The following CSMD1 variants were observed in gnomAD, a reference collection of about 807,000 sequenced individuals.
CSMD1 encodes CUB and Sushi multiple domains 1, also known as CUB and sushi domain-containing protein 1.
A neutral mutation model predicts 417.5 loss-of-function variants in CSMD1; 213 were observed. The ratio of observed to expected loss-of-function variants is 0.51; its 90% confidence interval spans 0.46 to 0.57. The LOEUF is 0.57. Ranked by LOEUF, CSMD1 falls within the 20% of genes least tolerant of loss-of-function variation. CSMD1 has a pLI of 0.00. For synonymous variants in CSMD1, 2,862 were observed against 1,736.8 expected (o/e 1.65, Z -16.11); for missense variants, 6,923 against 4,529.7 (o/e 1.53, Z -15.17).
rs765144961 is a variant in CSMD1, at chr8:2,974,630, G to GA, written c.8567-7dup. 2.6e-6 allele frequency: 4 copies of GA among 1,568,124 alleles called. No individual in the cohort carries two copies. The highest frequency in any genetic ancestry group is 1.9e-5 in the Admixed American group (1 of 52,608). ...TGGGTGTCCACACGATATAGCTTCAGAAAAAAGATAAAACAATTGAGTACA... is the reference window on the plus strand; with the variant it reads ...TGGGTGTCCACACGATATAGCTTCAGAAAAAAAGATAAAACAATTGAGTACA... On this transcript the variant is annotated splice_region_variant and splice_polypyrimidine_tract_variant and intron_variant, in intron 55 of 69. Transcript: ENST00000635120.
chr8:4,532,418 TA>T (rs1256322220), intron 2 of CSMD1, among the ~76,000 whole-genome samples: 3 of 67,506 alleles, frequency 4.4e-5, no homozygotes, highest in Non-Finnish European at 6.0e-5. Context: ...CTCCGGAAAA[TA>T]AATCCTGCAC....
At chr8:4,746,827 A>C (rs1319583429) in intron 1 of CSMD1, among the ~76,000 whole-genome samples, 1 of 152,194 alleles carries the variant, frequency 6.6e-6, no homozygotes, top group Non-Finnish European at 1.5e-5. Flanking sequence ...TCTCAGAGAA[A>C]AATAGTGATA....
chr8:3,129,565 A>G (rs763016736), intron 41 of CSMD1, among the ~76,000 whole-genome samples: 3 of 152,076 alleles, frequency 2.0e-5, no homozygotes, highest in Non-Finnish European at 2.9e-5. Context: ...ACTTGAGGTC[A>G]GGAGTTCAAG....
chr8:3,846,389 T>C (rs1803504046), intron 5 of CSMD1, among the ~76,000 whole-genome samples: 1 of 151,972 alleles, frequency 6.6e-6, no homozygotes, highest in Non-Finnish European at 1.5e-5. Flanking sequence ...TGACTCTACA[T>C]GTGAAATAGA....
intron 2 of CSMD1, among the ~76,000 whole-genome samples, chr8:4,444,662 T>C (rs1180781628): frequency 1.3e-5 from 2 of 152,162 alleles, no homozygotes; most frequent in African/African-American, 4.8e-5. Context: ...ATGATTGTAA[T>C]TGTGATGACA....
chr8:3,183,994 T>A (rs1031347880), intron 36 of CSMD1, among the ~76,000 whole-genome samples: 7 of 152,166 alleles, frequency 4.6e-5, no homozygotes, highest in Non-Finnish European at 7.3e-5. Context: ...TTTACAAATG[T>A]ATATATGATG....
intron 1 of CSMD1, among the ~76,000 whole-genome samples, chr8:4,978,792 G>T (rs576391593): frequency 6.6e-6 from 1 of 152,134 alleles, no homozygotes; most frequent in African/African-American, 2.4e-5. Flanking sequence ...ACAAAAATTA[G>T]CTGGGCATGG....
At chr8:4,715,085 C>A (rs1017198029) in intron 1 of CSMD1, among the ~76,000 whole-genome samples, 2 of 152,156 alleles carry the variant, frequency 1.3e-5, no homozygotes, top group Non-Finnish European at 2.9e-5. Flanking sequence ...TATCCAAAAA[C>A]ACTCCAGTCC....
intron 12 of CSMD1, among the ~76,000 whole-genome samples, chr8:3,443,784 G>C (rs1490361192): frequency 6.6e-6 from 1 of 152,204 alleles, no homozygotes; most frequent in African/African-American, 2.4e-5. Context: ...TTGATTGGGA[G>C]ACATGAAGTG....
chr8:3,069,486 T>A (rs990366432), intron 49 of CSMD1, among the ~76,000 whole-genome samples: 3 of 151,874 alleles, frequency 2.0e-5, no homozygotes, highest in Non-Finnish European at 2.9e-5. Context: ...CCATTCAAGT[T>A]TGACACCCAG....
At chr8:4,135,545 T>A (rs957872489) in intron 3 of CSMD1, among the ~76,000 whole-genome samples, 1 of 152,122 alleles carries the variant, frequency 6.6e-6, no homozygotes, top group Non-Finnish European at 1.5e-5. Context: ...TGTTTCAGAT[T>A]GGAAACAAAT....
At chr8:3,177,886 A>G (rs2129046354) in intron 37 of CSMD1, among the ~76,000 whole-genome samples, 1 of 152,280 alleles carries the variant, frequency 6.6e-6, no homozygotes, top group East Asian at 1.9e-4. Context: ...ATATCTGGAT[A>G]TGTATTTTGT....
At chr8:3,611,869 A>G (rs1160543203) in intron 8 of CSMD1, among the ~76,000 whole-genome samples, 1 of 152,092 alleles carries the variant, frequency 6.6e-6, no homozygotes, top group African/African-American at 2.4e-5. Context: ...CAGCCAATAA[A>G]TTTTGATGTA....
chr8:3,937,580 T>C lies in CSMD1; in HGVS notation c.818+60323A>G, dbSNP rs1467281819. ...TCAACAGAATGCAGTGTCATGTAAATATAACTTTAATATGCACTGGGGAAC... is the reference window on the plus strand; with the variant it reads ...TCAACAGAATGCAGTGTCATGTAAACATAACTTTAATATGCACTGGGGAAC... On this transcript the variant is annotated intron_variant, in intron 5 of 69. Coordinates refer to ENST00000635120, the MANE Select transcript of CSMD1 (RefSeq NM_033225.6). 5.3e-5 allele frequency among the ~76,000 whole-genome samples: 8 copies of C among 152,254 alleles called. No individual in the cohort carries two copies. The East Asian group carries it at 9.7e-4, about 18-fold the overall frequency.
At chr8:4,689,981 T>G (rs188349225) in intron 1 of CSMD1, among the ~76,000 whole-genome samples, 1 of 152,298 alleles carries the variant, frequency 6.6e-6, no homozygotes, top group East Asian at 1.9e-4. Context: ...GTAAGCGTAG[T>G]GCTAAAGAAT....
intron 10 of CSMD1, among the ~76,000 whole-genome samples, chr8:3,574,617 C>G (rs550865040): frequency 6.6e-6 from 1 of 152,274 alleles, no homozygotes; most frequent in South Asian, 2.1e-4. Context: ...TGCATAAATA[C>G]TGTGGTATTT....
intron 26 of CSMD1, among the ~76,000 whole-genome samples, chr8:3,271,264 T>A (rs111278478): frequency 0.27 from 40,446 of 151,494 alleles, 5,660 homozygotes; most frequent in African/African-American, 0.34. Context: ...GAACTCATCA[T>A]TTTTTAAGGC....
intron 28 of CSMD1, among the ~76,000 whole-genome samples, chr8:3,221,882 A>G (rs1280932914): frequency 6.6e-6 from 1 of 151,994 alleles, no homozygotes; most frequent in Non-Finnish European, 1.5e-5. Context: ...TACCATTAGT[A>G]ATGCCAGACT....
At chr8:4,981,212 T>C (rs117559905) in intron 1 of CSMD1, among the ~76,000 whole-genome samples, 4,900 of 152,308 alleles carry the variant, frequency 0.032, 98 homozygotes, top group Middle Eastern at 0.13. Context: ...ATGAAGGCAG[T>C]ACAGTGTGTC....
Sources: gnomAD v4.1 joint callset for allele counts (sites outside exome capture counted in the v4.1 genomes callset) on GRCh38, gnomAD v4.1.1 for gene constraint, MANE v1.5 for transcripts, NCBI Gene and HGNC (gene_info 2026-07-23, HGNC 2026-07-21) for gene names.